Variants in POU6F2 observed in about 807,000 individuals in gnomAD.
The protein encoded by POU6F2 is POU domain, class 6, transcription factor 2.
POU6F2 carries 31 observed loss-of-function variants against 71.3 expected under a neutral mutation model. That is an observed-to-expected ratio of 0.43 (90% confidence interval 0.33 to 0.59). The LOEUF (loss-of-function observed/expected upper bound fraction) is 0.59, where lower values mean the gene tolerates loss of function less well. Among genes scored for constraint, POU6F2 ranks in the 20% least tolerant of loss-of-function variants. POU6F2 has a pLI of 0.04. For synonymous variants in POU6F2, 347 were observed against 355.7 expected (o/e 0.98, Z 0.27); for missense variants, 783 against 856.8 (o/e 0.91, Z 1.07).
chr7:39,165,101 C>T lies in POU6F2; in HGVS notation c.278-39134C>T, dbSNP rs551959508. Among the ~76,000 whole-genome samples, 6 of 152,318 alleles carry T rather than the reference C, an allele frequency of 3.9e-5. No homozygotes were observed. The South Asian group carries it at 1.0e-3, about 26-fold the overall frequency. On this transcript the variant is annotated intron_variant, in intron 2 of 9. Transcript: ENST00000518318. ...TGTCATGCTTCCCCGGGGATTACAG[C>T]CTGCCCTGACTGGCGGCGCACTCAG... is the stretch of plus-strand genomic sequence containing the variant.
chr7:39,255,479 G>A (rs1204037778), intron 4 of POU6F2, among the ~76,000 whole-genome samples: 1 of 152,192 alleles, frequency 6.6e-6, no homozygotes, highest in African/African-American at 2.4e-5. Context: ...TGTGTCTGGT[G>A]TCACATGAAG....
At chr7:39,442,228 G>A (rs1562554453) in intron 7 of POU6F2, among the ~76,000 whole-genome samples, 1 of 152,196 alleles carries the variant, frequency 6.6e-6, no homozygotes, top group Non-Finnish European at 1.5e-5. Context: ...CAAGACAGAT[G>A]CCATGAGCTC....
intron 1 of POU6F2, among the ~76,000 whole-genome samples, chr7:38,983,580 G>A (rs776338125): frequency 1.6e-4 from 24 of 151,912 alleles, no homozygotes; most frequent in Non-Finnish European, 2.4e-4. Context: ...TTGAAGAAGC[G>A]GTTGCGAGTG....
At chr7:39,036,262 C>A (rs2128710553) in intron 1 of POU6F2, among the ~76,000 whole-genome samples, 1 of 152,184 alleles carries the variant, frequency 6.6e-6, no homozygotes. Context: ...GAGTTCTTAG[C>A]CAAACCATTT....
Position 39,406,636 on chromosome 7 carries a change from G to A in POU6F2, c.1009G>A (p.Ala337Thr). 1.9e-6 allele frequency: 3 copies of A among 1,613,352 alleles called. No individual in the cohort carries two copies. Among genetic ancestry groups the A allele is most frequent in the Non-Finnish European group, 2.5e-6 (3 of 1,179,816 alleles). The change falls in exon 6 of 10, where the codon GCT becomes ACT. Residue 337 changes from alanine (A) to threonine (T), a missense_variant. This residue lies in a region of POU6F2 where 572 missense variants were observed against 572.9 expected (regional missense o/e 1.00). Coordinates refer to ENST00000518318, the MANE Select transcript of POU6F2 (RefSeq NM_001370959.1). ...NNPLASQAAA[A>T]AAAMSSIASS... ...TCCACTAGCAAGTCAGGCTGCAGCG[G>A]CTGCAGCAGCCATGAGCTCCATAGC...
chr7:38,981,648 AG>A (rs1233068147), intron 1 of POU6F2, among the ~76,000 whole-genome samples: 1 of 152,222 alleles, frequency 6.6e-6, no homozygotes, highest in Non-Finnish European at 1.5e-5. Context: ...ACATTGCTAA[AG>A]TACTAGTAGA....
intron 5 of POU6F2, among the ~76,000 whole-genome samples, chr7:39,350,646 G>A (rs1399231716): frequency 6.6e-6 from 1 of 152,182 alleles, no homozygotes; most frequent in African/African-American, 2.4e-5. Flanking sequence ...TGCATGCAAT[G>A]ATCACATTAA....
intron 7 of POU6F2, among the ~76,000 whole-genome samples, chr7:39,438,608 G>T (rs897459676): frequency 6.6e-6 from 1 of 152,222 alleles, no homozygotes; most frequent in Non-Finnish European, 1.5e-5. Flanking sequence ...CACTGTTGGT[G>T]GGACTGTAAA....
intron 4 of POU6F2, among the ~76,000 whole-genome samples, chr7:39,242,807 C>T (rs546537109): frequency 2.6e-5 from 4 of 152,240 alleles, no homozygotes; most frequent in Admixed American, 2.6e-4. Context: ...CATGCAGGCA[C>T]ACGTGTACAC....
At position 39,325,160 on chromosome 7, in the gene POU6F2, T is replaced by C. The variant is rs115417458; in HGVS notation, c.599-14482T>C. Among the ~76,000 whole-genome samples the C allele has an allele frequency of 9.0e-3, 1,365 of 152,292 alleles. 24 individuals are homozygous for C. The highest frequency in any genetic ancestry group is 0.031 in the African/African-American group (1,301 of 41,566). ...TCTTCTCAAAGAATCTGGAACAGAA[T>C]TACAAATCTGGCAAAGGTATATTTT... On this transcript the variant is annotated intron_variant, in intron 4 of 9. Coordinates refer to ENST00000518318, the MANE Select transcript of POU6F2 (RefSeq NM_001370959.1).
chr7:39,230,489 GAAAA>G (rs971811603), intron 4 of POU6F2, among the ~76,000 whole-genome samples: 59 of 102,562 alleles, frequency 5.8e-4, no homozygotes, highest in Admixed American at 5.9e-4. Flanking sequence ...GTTTTAAAAA[GAAAA>G]AAAAAAAAAA....
chr7:39,054,221 T>C (rs1422347307), intron 1 of POU6F2, among the ~76,000 whole-genome samples: 2 of 152,178 alleles, frequency 1.3e-5, no homozygotes, highest in African/African-American at 2.4e-5. Context: ...CATTCAGATA[T>C]ATGATTAGAC....
chr7:39,316,940 G>A (rs1390708893), intron 4 of POU6F2, among the ~76,000 whole-genome samples: 1 of 152,088 alleles, frequency 6.6e-6, no homozygotes. Flanking sequence ...GAAAAGTGAG[G>A]GGCAAAATCA....
At chr7:39,139,953 T>C (rs1370630176) in intron 2 of POU6F2, among the ~76,000 whole-genome samples, 1 of 152,222 alleles carries the variant, frequency 6.6e-6, no homozygotes, top group Non-Finnish European at 1.5e-5. Context: ...GCCATTTTTA[T>C]AGCATTGAAG....
chr7:39,102,712 T>A (rs1462915372), intron 2 of POU6F2, among the ~76,000 whole-genome samples: 1 of 152,194 alleles, frequency 6.6e-6, no homozygotes, highest in East Asian at 1.9e-4. Context: ...ATGACAAGAA[T>A]ACATTCTGAG....
intron 4 of POU6F2, among the ~76,000 whole-genome samples, chr7:39,336,077 A>G (rs960236505): frequency 6.6e-6 from 1 of 152,252 alleles, no homozygotes; most frequent in African/African-American, 2.4e-5. Flanking sequence ...CTTGGTCCCC[A>G]GTGTGTGAAT....
At chr7:39,071,973 A>G (rs1790890684) in intron 1 of POU6F2, among the ~76,000 whole-genome samples, 1 of 152,218 alleles carries the variant, frequency 6.6e-6, no homozygotes, top group African/African-American at 2.4e-5. Flanking sequence ...TACTAAGGAA[A>G]TAAGTACTCA....
chr7:39,388,453 C>A (rs1464853858), intron 5 of POU6F2, among the ~76,000 whole-genome samples: 1 of 152,124 alleles, frequency 6.6e-6, no homozygotes, highest in Non-Finnish European at 1.5e-5. Context: ...GTAGCTGAGA[C>A]TACAGGCTCC....
At chr7:39,008,551 C>T (rs1216603381) in intron 1 of POU6F2, among the ~76,000 whole-genome samples, 1,031 of 126,158 alleles carry the variant, frequency 8.2e-3, no homozygotes, top group South Asian at 0.015. Context: ...TCAATTTTGG[C>T]TTTTGTTGCC....
Sources: gnomAD v4.1 joint callset for allele counts (sites outside exome capture counted in the v4.1 genomes callset) on GRCh38, gnomAD v4.1.1 for gene constraint, gnomAD v4.1.1 regional missense constraint, MANE v1.5 for transcripts, NCBI Gene and HGNC (gene_info 2026-07-23, HGNC 2026-07-21) for gene names.